Variants in GNB1L observed in about 807,000 individuals in gnomAD.
GNB1L encodes the protein G protein subunit beta 1 like.
A neutral mutation model predicts 29.1 loss-of-function variants in GNB1L; 20 were observed. That is an observed-to-expected ratio of 0.69 (90% CI 0.48 to 1.00). The LOEUF is 1.00. Among genes scored for constraint, GNB1L ranks in the 50% least tolerant of loss-of-function variants. The probability of loss-of-function intolerance (pLI) is 0.00; values close to 1 mark genes in which losing one functional copy is unlikely to be tolerated. For synonymous variants in GNB1L, 193 were observed against 206.5 expected (o/e 0.93, Z 0.56); for missense variants, 421 against 464.9 (o/e 0.91, Z 0.87).
intron 7 of GNB1L, among the ~76,000 whole-genome samples, chr22:19,800,643 G>C (rs143493434): frequency 6.6e-6 from 1 of 152,186 alleles, no homozygotes; most frequent in African/African-American, 2.4e-5. Flanking sequence ...CCTTCCTCCC[G>C]GGGAGACATG....
At chr22:19,796,582 T>C (rs1054571629) in intron 7 of GNB1L, among the ~76,000 whole-genome samples, 2 of 152,132 alleles carry the variant, frequency 1.3e-5, no homozygotes, top group African/African-American at 4.8e-5. Flanking sequence ...ATAAAAACAT[T>C]CTAATTAACT....
At chr22:19,846,963 T>C (rs1937976378) in intron 2 of GNB1L, 2 of 985,440 alleles carry the variant, frequency 2.0e-6, no homozygotes, top group South Asian at 9.4e-5. Context: ...CATCCTCCCA[T>C]CCTCAGCAGC....
intron 2 of GNB1L, chr22:19,852,192 C>A (rs371028366): frequency 6.2e-7 from 1 of 1,613,788 alleles, no homozygotes; most frequent in Non-Finnish European, 8.5e-7. Context: ...CATGGATGTG[C>A]GTTGGCATAA....
Position 19,854,469 on chromosome 22 carries a change from G to C in GNB1L, c.-47C>G, listed in dbSNP as rs967916027. 1 of 152,694 alleles carries C rather than the reference G, an allele frequency of 6.5e-6. No homozygotes were observed. Among genetic ancestry groups the C allele is most frequent in the Non-Finnish European group, 1.5e-5 (1 of 68,066 alleles). 9.5% of individuals were successfully genotyped at this position (152,694 alleles called of 1,614,324 possible). On this transcript the variant is annotated 5_prime_UTR_variant, in exon 2 of 8. Coordinates refer to ENST00000329517, the MANE Select transcript of GNB1L (RefSeq NM_053004.3). ...TGAGGCTACGCGAATCGCCCGCGAA[G>C]AGGGTCCTGGGATCCGTAGCCACAG...
intron 2 of GNB1L, chr22:19,847,805 A>C (rs897743993): frequency 1.2e-4 from 18 of 147,456 alleles, no homozygotes; most frequent in Non-Finnish European, 1.6e-4. Context: ...AATCATAGGC[A>C]AAAAAAAAAA....
At chr22:19,795,219 C>T (rs752599179) in intron 7 of GNB1L, among the ~76,000 whole-genome samples, 17 of 152,246 alleles carry the variant, frequency 1.1e-4, no homozygotes, top group Non-Finnish European at 1.6e-4. Context: ...GACATCTCAG[C>T]GCCTATACAC....
chr22:19,798,204 C>T (rs937955146), intron 7 of GNB1L, among the ~76,000 whole-genome samples: 2 of 152,218 alleles, frequency 1.3e-5, no homozygotes, highest in Admixed American at 6.5e-5. Flanking sequence ...TGCGCAGGGC[C>T]GTGAGGGGAT....
At chr22:19,853,997 C>T (rs1030093243) in intron 2 of GNB1L, among the ~76,000 whole-genome samples, 19 of 152,192 alleles carry the variant, frequency 1.2e-4, no homozygotes, top group Non-Finnish European at 1.9e-4. Flanking sequence ...CACTCACCTG[C>T]GCACCTGTGT....
intron 7 of GNB1L, among the ~76,000 whole-genome samples, chr22:19,794,323 C>T (rs1280533752): frequency 6.6e-6 from 1 of 151,472 alleles, no homozygotes; most frequent in Non-Finnish European, 1.5e-5. Flanking sequence ...ACAACAGTCA[C>T]AGAAAGACTA....
intron 7 of GNB1L, chr22:19,792,927 A>T: frequency 7.9e-7 from 1 of 1,267,824 alleles, no homozygotes; most frequent in East Asian, 2.3e-5. Context: ...CTCGGAAGAC[A>T]AAGGCACTTT....
At chr22:19,800,253 C>T (rs1054363496) in intron 7 of GNB1L, among the ~76,000 whole-genome samples, 7 of 152,220 alleles carry the variant, frequency 4.6e-5, no homozygotes, top group African/African-American at 1.4e-4. Flanking sequence ...CCAGGAGAGA[C>T]GAGGCAGATC....
At chr22:19,830,837 T>C (rs1937669102) in intron 2 of GNB1L, among the ~76,000 whole-genome samples, 1 of 152,182 alleles carries the variant, frequency 6.6e-6, no homozygotes, top group African/African-American at 2.4e-5. Flanking sequence ...TATAGACAGA[T>C]GGATCAGTGA....
intron 2 of GNB1L, chr22:19,850,546 A>T: frequency 2.7e-6 from 3 of 1,099,654 alleles, no homozygotes; most frequent in Non-Finnish European, 3.3e-6. Flanking sequence ...TCCTGCATCC[A>T]AACCTTCCAG....
At chr22:19,805,918 C>A (rs377278465) in intron 6 of GNB1L, among the ~76,000 whole-genome samples, 1 of 152,212 alleles carries the variant, frequency 6.6e-6, no homozygotes, top group Non-Finnish European at 1.5e-5. Context: ...CAAGTGAATG[C>A]ACGGGATCAC....
At chr22:19,811,634 A>G (rs937858435) in intron 5 of GNB1L, among the ~76,000 whole-genome samples, 11 of 151,854 alleles carry the variant, frequency 7.2e-5, no homozygotes, top group African/African-American at 2.7e-4. Context: ...TGTTACCAAC[A>G]CCTCTGGTCA....
At chr22:19,821,737 G>A (rs1601336982) in intron 2 of GNB1L, among the ~76,000 whole-genome samples, 3 of 152,292 alleles carry the variant, frequency 2.0e-5, no homozygotes, top group African/African-American at 4.8e-5. Flanking sequence ...TGGGCACAGC[G>A]GCATCCAACA....
At chr22:19,839,408 T>C (rs1937819527) in intron 2 of GNB1L, among the ~76,000 whole-genome samples, 1 of 152,092 alleles carries the variant, frequency 6.6e-6, no homozygotes, top group Admixed American at 6.6e-5. Context: ...ATACACCATG[T>C]TTTTCCCTAC....
intron 7 of GNB1L, among the ~76,000 whole-genome samples, chr22:19,798,955 C>A (rs1937337588): frequency 6.6e-6 from 1 of 152,214 alleles, no homozygotes; most frequent in Admixed American, 6.5e-5. Context: ...ACAAGCCTCT[C>A]CTCCTGATGC....
At chr22:19,806,024 C>T (rs780938421) in intron 6 of GNB1L, among the ~76,000 whole-genome samples, 2 of 152,158 alleles carry the variant, frequency 1.3e-5, no homozygotes, top group East Asian at 1.9e-4. Context: ...AGACTGGCCT[C>T]GAGGAAGCTG....
Sources: gnomAD v4.1 joint callset for allele counts (sites outside exome capture counted in the v4.1 genomes callset) on GRCh38, gnomAD v4.1.1 for gene constraint, MANE v1.5 for transcripts, NCBI Gene and HGNC (gene_info 2026-07-23, HGNC 2026-07-21) for gene names.